Variants in AIG1 observed in about 807,000 individuals in gnomAD.
AIG1 encodes the protein androgen induced 1, also known as androgen-induced gene 1 protein.
Under a neutral mutation model 31.4 loss-of-function variants are expected in AIG1, and 23 were observed. The observed-to-expected ratio is 0.73, with a 90% CI of 0.53 to 1.04. AIG1 has a LOEUF of 1.04. Ranked by LOEUF, AIG1 falls within the 50% of genes least tolerant of loss-of-function variation. The pLI, the probability that AIG1 is intolerant of heterozygous loss-of-function variation, is 0.00. For synonymous variants in AIG1, 100 were observed against 110.5 expected (o/e 0.90, Z 0.60); for missense variants, 274 against 295.0 (o/e 0.93, Z 0.52).
In AIG1 at chr6:143,292,523, G is replaced by C. The variant is rs1028018334; in HGVS notation, c.515+8298G>C. Among the ~76,000 whole-genome samples, 2 of 152,162 alleles carry C rather than the reference G, an allele frequency of 1.3e-5. No homozygotes were observed. The highest frequency in any genetic ancestry group is 2.9e-5 in the Non-Finnish European group (2 of 68,032). On this transcript the variant is annotated intron_variant, in intron 4 of 5. Coordinates refer to ENST00000357847, the MANE Select transcript of AIG1 (RefSeq NM_016108.4). The surrounding 1 kb of genome is among the most constrained non-coding windows in gnomAD (Gnocchi z 4.9). ...AGAAGCCGAAAAAGGCAAGGAAAGG[G>C]ATTCTCCCCTAGGGCTTCCAGAAAG...
rs182444848 is a variant in AIG1, at chr6:143,197,365, G to A, written c.399+32182G>A. ...ATGATCTTTATTAAATTTGTTTCTT[G>A]TATCATAGAAGGGCTTTTGGGAGAC... On this transcript the variant is annotated intron_variant, in intron 3 of 5. Transcript: ENST00000357847. Among the ~76,000 whole-genome samples the A allele has an allele frequency of 2.6e-5, 4 of 152,130 alleles. 1 individual carries two copies. The highest frequency in any genetic ancestry group is 9.6e-5 in the African/African-American group (4 of 41,490).
At chr6:143,269,971 G>A (rs1371148274) in intron 3 of AIG1, among the ~76,000 whole-genome samples, 1 of 152,110 alleles carries the variant, frequency 6.6e-6, no homozygotes, top group East Asian at 1.9e-4. Context: ...CTGTGATATG[G>A]TATAGTATTT....
At chr6:143,068,256 G>C (rs879479305) in intron 1 of AIG1, among the ~76,000 whole-genome samples, 14 of 152,198 alleles carry the variant, frequency 9.2e-5, no homozygotes, top group Non-Finnish European at 1.5e-4. Flanking sequence ...TCATGTTTCT[G>C]GGGGAAGCAA....
intron 3 of AIG1, among the ~76,000 whole-genome samples, chr6:143,244,603 G>A (rs1450859040): frequency 6.6e-6 from 1 of 152,108 alleles, no homozygotes; most frequent in Non-Finnish European, 1.5e-5. Context: ...AGATGATATA[G>A]CAAAGAGAAG....
In AIG1 at chr6:143,214,788, A is replaced by G. The variant is rs374456127; in HGVS notation, c.399+49605A>G. ...ACACCTATGCTTCACCAGCCTCTCCATGCCTGTTCTCTCCCTTTCCCCTCC... is the reference window on the plus strand; with the variant it reads ...ACACCTATGCTTCACCAGCCTCTCCGTGCCTGTTCTCTCCCTTTCCCCTCC... On this transcript the variant is annotated intron_variant, in intron 3 of 5. Transcript: ENST00000357847. Among the ~76,000 whole-genome samples the G allele has an allele frequency of 3.9e-5, 6 of 151,930 alleles. No individual in the cohort carries two copies. The South Asian group carries it at 6.3e-4, about 16-fold the overall frequency.
chr6:143,119,509 T>C (rs1036987816), intron 1 of AIG1, among the ~76,000 whole-genome samples: 10 of 152,174 alleles, frequency 6.6e-5, no homozygotes, highest in Admixed American at 4.6e-4. Flanking sequence ...GTGAACAGCA[T>C]TGAAGCATTA....
At chr6:143,111,208 T>C (rs1781246768) in intron 1 of AIG1, among the ~76,000 whole-genome samples, 1 of 152,202 alleles carries the variant, frequency 6.6e-6, no homozygotes, top group African/African-American at 2.4e-5. Context: ...TATTCCTTCT[T>C]GCTGACACCA....
intron 3 of AIG1, among the ~76,000 whole-genome samples, chr6:143,257,387 G>A (rs10484581): frequency 0.01 from 1,572 of 152,246 alleles, 44 homozygotes; most frequent in East Asian, 0.065. Context: ...GGACCTTCTC[G>A]AACAAATGAG....
intron 3 of AIG1, among the ~76,000 whole-genome samples, chr6:143,200,035 T>C (rs1790570080): frequency 1.3e-5 from 2 of 152,064 alleles, no homozygotes; most frequent in Admixed American, 1.3e-4. Context: ...TGGTTTTGAG[T>C]GTGGGTATCT....
At chr6:143,159,584 A>G (rs1349503230) in intron 2 of AIG1, among the ~76,000 whole-genome samples, 2 of 152,262 alleles carry the variant, frequency 1.3e-5, no homozygotes, top group Non-Finnish European at 2.9e-5. Flanking sequence ...ATTCCATGTC[A>G]TGCTTTTAGG....
chr6:143,222,735 T>G (rs1038577520), intron 3 of AIG1, among the ~76,000 whole-genome samples: 12 of 152,252 alleles, frequency 7.9e-5, no homozygotes, highest in Non-Finnish European at 1.3e-4. Context: ...AGAGTTGGTG[T>G]GGAAAAATAT....
chr6:143,134,864 C>G (rs1020510717), intron 1 of AIG1, among the ~76,000 whole-genome samples: 2 of 152,102 alleles, frequency 1.3e-5, no homozygotes, highest in South Asian at 4.1e-4. Context: ...TTTCTCCCAA[C>G]TGCAGGCTAA....
At chr6:143,139,080 AC>A (rs1353742899) in intron 2 of AIG1, among the ~76,000 whole-genome samples, 1 of 152,042 alleles carries the variant, frequency 6.6e-6, no homozygotes, top group Non-Finnish European at 1.5e-5. Flanking sequence ...TTTGGGGGAA[AC>A]TTTTGCACCT....
chr6:143,237,433 AG>A (rs1203002444), intron 3 of AIG1, among the ~76,000 whole-genome samples: 2 of 152,228 alleles, frequency 1.3e-5, no homozygotes, highest in Admixed American at 6.5e-5. Context: ...TACGGTATGC[AG>A]GCATTATGCT....
At chr6:143,200,693 G>A (rs953069345) in intron 3 of AIG1, among the ~76,000 whole-genome samples, 2 of 152,142 alleles carry the variant, frequency 1.3e-5, no homozygotes, top group South Asian at 2.1e-4. Context: ...TATCAGGCAA[G>A]TCCCACTTTC....
chr6:143,109,451 G>A (rs1781083636), intron 1 of AIG1, among the ~76,000 whole-genome samples: 1 of 152,120 alleles, frequency 6.6e-6, no homozygotes, highest in Non-Finnish European at 1.5e-5. Context: ...TTTCCAAAGT[G>A]GTTTTAACAA....
intron 3 of AIG1, among the ~76,000 whole-genome samples, chr6:143,222,062 A>G (rs1792563165): frequency 2.0e-5 from 3 of 152,192 alleles, no homozygotes; most frequent in Admixed American, 2.0e-4. Context: ...TTGATTCCTC[A>G]TTTATACATG....
intron 3 of AIG1, among the ~76,000 whole-genome samples, chr6:143,191,048 C>T (rs1453751460): frequency 6.6e-6 from 1 of 152,104 alleles, no homozygotes; most frequent in Non-Finnish European, 1.5e-5. Context: ...GTTGGTCTCA[C>T]AAGCATCCCT....
chr6:143,272,421 A>C (rs1583690982), intron 3 of AIG1, among the ~76,000 whole-genome samples: 1 of 152,124 alleles, frequency 6.6e-6, no homozygotes, highest in East Asian at 1.9e-4. Flanking sequence ...CTATGATCTT[A>C]ACATGTGGCT....
Sources: gnomAD v4.1 joint callset for allele counts (sites outside exome capture counted in the v4.1 genomes callset) on GRCh38, gnomAD v4.1.1 for gene constraint, Gnocchi (gnomAD v3.1) non-coding constraint, MANE v1.5 for transcripts, NCBI Gene and HGNC (gene_info 2026-07-23, HGNC 2026-07-21) for gene names.